Variants in UPP2 observed in about 807,000 individuals in gnomAD.
UPP2 encodes UPase 2.
A neutral mutation model predicts 26.7 loss-of-function variants in UPP2; 23 were observed. The observed-to-expected ratio is 0.86, with a 90% CI of 0.62 to 1.22. The LOEUF is 1.22. Ranked by LOEUF, UPP2 falls within the 50% of genes most tolerant of loss-of-function variation. The pLI is 0.00. For missense variants in UPP2, 387 were observed against 396.7 expected (o/e 0.98, Z 0.21); for synonymous variants, 127 against 141.3 (o/e 0.90, Z 0.72).
intron 3 of UPP2, among the ~76,000 whole-genome samples, chr2:158,032,497 C>T (rs1683937128): frequency 6.6e-6 from 1 of 152,026 alleles, no homozygotes; most frequent in Non-Finnish European, 1.5e-5. Flanking sequence ...AAGTGTATGA[C>T]ATAGGACAGG....
intron 2 of UPP2, among the ~76,000 whole-genome samples, chr2:158,005,529 G>A (rs1683474749): frequency 6.6e-6 from 1 of 152,148 alleles, no homozygotes; most frequent in Non-Finnish European, 1.5e-5. Context: ...AAACAGGAGA[G>A]GCAAACAAAG....
intron 3 of UPP2, among the ~76,000 whole-genome samples, chr2:158,091,269 A>G (rs535446214): frequency 5.9e-5 from 9 of 152,220 alleles, no homozygotes; most frequent in Non-Finnish European, 1.0e-4. Context: ...ATGGACTACA[A>G]AATTGAAATT....
chr2:158,061,288 G>A (rs995580018), intron 3 of UPP2, among the ~76,000 whole-genome samples: 4 of 152,118 alleles, frequency 2.6e-5, no homozygotes, highest in African/African-American at 9.7e-5. Context: ...CACACAGCTG[G>A]AGCCCAGATT....
intron 3 of UPP2, among the ~76,000 whole-genome samples, chr2:158,058,831 G>T (rs999452733): frequency 6.6e-6 from 1 of 152,292 alleles, no homozygotes; most frequent in South Asian, 2.1e-4. Context: ...GCAATGAAAA[G>T]GGTTTAAATA....
chr2:158,101,948 GT>G lies in UPP2; in HGVS notation c.-114del. ...CAGGAAAACCTAAGTTTTAAGAGAG[GT>G]TATCATTCTGACTGGGAACTGAACT... On this transcript the variant is annotated 5_prime_UTR_variant, in exon 1 of 7. Transcript: ENST00000005756. 1 of 1,444,762 alleles carries G rather than the reference GT, an allele frequency of 6.9e-7. No homozygotes were observed. Among genetic ancestry groups the G allele is most frequent in the Non-Finnish European group, 9.1e-7 (1 of 1,098,008 alleles). The allele number at this position is 1,444,762 out of a possible 1,614,324, so 89.5% of individuals were successfully genotyped here.
chr2:158,046,498 T>A (rs1431829144), intron 3 of UPP2, among the ~76,000 whole-genome samples: 3 of 152,188 alleles, frequency 2.0e-5, no homozygotes, highest in Non-Finnish European at 1.5e-5. Context: ...GAGATTTGAA[T>A]TTTGGGTTAG....
chr2:158,050,290 G>A (rs1440361005), intron 3 of UPP2, among the ~76,000 whole-genome samples: 1 of 152,016 alleles, frequency 6.6e-6, no homozygotes, highest in African/African-American at 2.4e-5. Context: ...AGTGTGAGAG[G>A]CATTAGCAAC....
chr2:158,011,332 C>T (rs1426958119), intron 2 of UPP2, among the ~76,000 whole-genome samples: 7 of 152,240 alleles, frequency 4.6e-5, no homozygotes, highest in African/African-American at 1.7e-4. Flanking sequence ...CAGCAGGACT[C>T]TTTCTCCCTC....
Position 158,031,619 on chromosome 2 carries a change from G to A in UPP2, c.147+15733G>A, listed in dbSNP as rs555949632. The stretch of plus-strand genomic sequence containing the variant: ...AGGATCTGCAGAGGCAGCCAGTGTC[G>A]GTTTGGAAGGCCATAGTTATCTTTC... On this transcript the variant is annotated intron_variant, in intron 3 of 9. Coordinates refer to the UPP2 transcript ENST00000605860. 9.9e-5 allele frequency among the ~76,000 whole-genome samples: 15 copies of A among 152,230 alleles called. No homozygotes were observed. The East Asian group carries it at 1.2e-3, about 12-fold the overall frequency.
chr2:158,024,535 A>C (rs1414858194), intron 3 of UPP2, among the ~76,000 whole-genome samples: 1 of 152,218 alleles, frequency 6.6e-6, no homozygotes, highest in Non-Finnish European at 1.5e-5. Flanking sequence ...GAGCTCAGAG[A>C]GTTACCATCA....
intron 3 of UPP2, chr2:158,065,618 C>A: frequency 1.7e-6 from 1 of 576,616 alleles, no homozygotes; most frequent in Non-Finnish European, 3.4e-6. Context: ...TACACACAAC[C>A]CAACCAATGT....
intron 2 of UPP2, among the ~76,000 whole-genome samples, chr2:158,108,210 C>G (rs1226736739): frequency 6.6e-6 from 1 of 152,196 alleles, no homozygotes; most frequent in Non-Finnish European, 1.5e-5. Context: ...TTCTATATAT[C>G]AGACTCTGTG....
In UPP2 at chr2:158,093,387, G is replaced by T. The variant is rs375978362; in HGVS notation, c.148-8653G>T. On this transcript the variant is annotated intron_variant, in intron 3 of 9. Coordinates refer to the UPP2 transcript ENST00000605860. The stretch of plus-strand genomic sequence containing the variant: ...GTAAATGTATTAAACATAGATAAAA[G>T]ACAACTTTTTGAAAATCCATTGATG... Among the ~76,000 whole-genome samples the T allele has an allele frequency of 9.4e-4, 142 of 151,562 alleles. 4 individuals are homozygous for T. The South Asian group carries it at 0.024, about 26-fold the overall frequency.
At chr2:158,021,772 A>G (rs1001094682) in intron 3 of UPP2, among the ~76,000 whole-genome samples, 4 of 152,198 alleles carry the variant, frequency 2.6e-5, no homozygotes, top group Non-Finnish European at 5.9e-5. Flanking sequence ...TTATACTATC[A>G]TCATAGACAG....
intron 3 of UPP2, among the ~76,000 whole-genome samples, chr2:158,020,532 C>T (rs1470083569): frequency 6.6e-6 from 1 of 152,216 alleles, no homozygotes; most frequent in Non-Finnish European, 1.5e-5. Context: ...TGCTCCCAAG[C>T]ACACTCCAAA....
intron 2 of UPP2, among the ~76,000 whole-genome samples, chr2:157,997,357 T>C (rs2105459962): frequency 6.6e-6 from 1 of 152,298 alleles, no homozygotes; most frequent in African/African-American, 2.4e-5. Flanking sequence ...TGAACATCTG[T>C]AAAGGTCTTC....
intron 4 of UPP2, among the ~76,000 whole-genome samples, chr2:158,121,174 G>A (rs1683558232): frequency 6.6e-6 from 1 of 151,946 alleles, no homozygotes; most frequent in African/African-American, 2.4e-5. Flanking sequence ...CAAGAGTCAT[G>A]TTTGTCTTGA....
intron 3 of UPP2, among the ~76,000 whole-genome samples, chr2:158,034,797 T>C (rs1358462379): frequency 6.6e-6 from 1 of 152,224 alleles, no homozygotes; most frequent in East Asian, 1.9e-4. Flanking sequence ...TTGTTCGAAC[T>C]AGCCTTAAGA....
At chr2:157,998,930 C>T (rs1683364275) in intron 2 of UPP2, among the ~76,000 whole-genome samples, 1 of 150,130 alleles carries the variant, frequency 6.7e-6, no homozygotes, top group African/African-American at 2.4e-5. Flanking sequence ...GTCCTCTCTT[C>T]TCTCTCATCT....
Sources: gnomAD v4.1 joint callset for allele counts (sites outside exome capture counted in the v4.1 genomes callset) on GRCh38, gnomAD v4.1.1 for gene constraint, MANE v1.5 for transcripts, NCBI Gene and HGNC (gene_info 2026-07-23, HGNC 2026-07-21) for gene names.